The following SDK1 variants were observed in gnomAD, a reference collection of about 807,000 sequenced individuals.
The protein encoded by SDK1 is protein sidekick-1.
A neutral mutation model predicts 245.5 loss-of-function variants in SDK1; 157 were observed. That is an observed-to-expected ratio of 0.64 (90% CI 0.56 to 0.73). The LOEUF is 0.73. SDK1 is among the 30% of genes least tolerant of loss of function. The probability of loss-of-function intolerance (pLI) is 0.00; values close to 1 mark genes in which losing one functional copy is unlikely to be tolerated. For missense variants in SDK1, 3,583 were observed against 3,002.3 expected, an observed-to-expected ratio of 1.19 and a Z score of -4.52; for synonymous variants, 1,647 against 1,278.5, an observed-to-expected ratio of 1.29 and a Z score of -6.15.
At chr7:3,414,336 G>A (rs1779301921) in intron 1 of SDK1, among the ~76,000 whole-genome samples, 1 of 152,124 alleles carries the variant, frequency 6.6e-6, no homozygotes, top group South Asian at 2.1e-4. Context: ...CCACGGAGGA[G>A]GAGAGTGCTG....
intron 16 of SDK1, 98 bp from the exon 17 acceptor site, chr7:4,017,073 A>G: frequency 1.7e-6 from 2 of 1,167,874 alleles, no homozygotes; most frequent in Non-Finnish European, 2.4e-6. Flanking sequence ...TTGATTATTT[A>G]CTTCCATTTC....
chr7:3,882,881 C>T (rs1400425428), intron 5 of SDK1, among the ~76,000 whole-genome samples: 1 of 152,164 alleles, frequency 6.6e-6, no homozygotes, highest in African/African-American at 2.4e-5. Context: ...ACGCAGAAAA[C>T]AATTTAGTCA....
chr7:3,407,060 A>G (rs887525383), intron 1 of SDK1, among the ~76,000 whole-genome samples: 2 of 152,212 alleles, frequency 1.3e-5, no homozygotes, highest in African/African-American at 2.4e-5. Context: ...CCTTTCACCC[A>G]GAATTGCTCT....
chr7:3,996,605 A>G (rs1784713261), intron 14 of SDK1, among the ~76,000 whole-genome samples: 1 of 152,174 alleles, frequency 6.6e-6, no homozygotes, highest in South Asian at 2.1e-4. Context: ...ACTCATTGCT[A>G]CTGTAAATAG....
At chr7:3,930,418 C>G (rs73674349) in intron 5 of SDK1, among the ~76,000 whole-genome samples, 2 of 152,170 alleles carry the variant, frequency 1.3e-5, no homozygotes, top group African/African-American at 4.8e-5. Context: ...CCAGCTGAAT[C>G]ACGTACACAC....
intron 25 of SDK1, among the ~76,000 whole-genome samples, chr7:4,121,094 C>T (rs1226911333): frequency 6.6e-6 from 1 of 151,610 alleles, no homozygotes; most frequent in Non-Finnish European, 1.5e-5. Flanking sequence ...TTTCTTCTGA[C>T]TTTGTTTTTT....
intron 1 of SDK1, among the ~76,000 whole-genome samples, chr7:3,482,021 A>G (rs556511182): frequency 7.0e-6 from 1 of 141,956 alleles, no homozygotes; most frequent in African/African-American, 2.6e-5. Context: ...AATAATCAAA[A>G]CATATAAAAA....
chr7:4,138,312 G>C (rs971178952), intron 28 of SDK1, among the ~76,000 whole-genome samples: 8 of 152,172 alleles, frequency 5.3e-5, no homozygotes, highest in Non-Finnish European at 1.0e-4. Context: ...CTGCCACGCA[G>C]TGCACTATTA....
At chr7:3,864,109 T>C (rs765150137) in intron 5 of SDK1, among the ~76,000 whole-genome samples, 1 of 150,376 alleles carries the variant, frequency 6.6e-6, no homozygotes, top group Admixed American at 6.6e-5. Context: ...TGTTTTTTGT[T>C]TTTGTTTTTG....
chr7:4,034,530 A>C (rs10253213), intron 17 of SDK1, among the ~76,000 whole-genome samples: 39,031 of 152,148 alleles, frequency 0.26, 7,379 homozygotes, highest in African/African-American at 0.54. Flanking sequence ...ATATTTCAAA[A>C]TGAAAATTAT....
intron 5 of SDK1, among the ~76,000 whole-genome samples, chr7:3,844,750 A>C (rs867474119): frequency 6.6e-6 from 1 of 152,170 alleles, no homozygotes; most frequent in South Asian, 2.1e-4. Context: ...TGTTTGCCCA[A>C]GGCCTTGGAG....
chr7:4,034,767 A>C (rs1459399933), intron 17 of SDK1, among the ~76,000 whole-genome samples: 1 of 152,204 alleles, frequency 6.6e-6, no homozygotes, highest in Non-Finnish European at 1.5e-5. Context: ...ACTGGAATCT[A>C]CCAAAATGCC....
At chr7:3,422,044 A>G (rs1397080790) in intron 1 of SDK1, among the ~76,000 whole-genome samples, 1 of 152,178 alleles carries the variant, frequency 6.6e-6, no homozygotes, top group African/African-American at 2.4e-5. Flanking sequence ...TCAAAATAAA[A>G]TAGGAAATTA....
intron 23 of SDK1, among the ~76,000 whole-genome samples, chr7:4,113,085 A>G (rs1474321211): frequency 1.3e-5 from 2 of 152,160 alleles, no homozygotes; most frequent in Non-Finnish European, 2.9e-5. Flanking sequence ...CTAGGATTAC[A>G]GGTGTGAGCC....
intron 1 of SDK1, among the ~76,000 whole-genome samples, chr7:3,539,269 T>G (rs1467935068): frequency 6.6e-6 from 1 of 152,170 alleles, no homozygotes; most frequent in East Asian, 1.9e-4. Flanking sequence ...CTGCTTAGTT[T>G]TTAGCAATTC....
intron 4 of SDK1, among the ~76,000 whole-genome samples, chr7:3,706,625 A>G (rs10243789): frequency 0.088 from 13,435 of 152,114 alleles, 706 homozygotes; most frequent in Middle Eastern, 0.14. Flanking sequence ...GATGGTTGCG[A>G]TCTCCTGACC....
At chr7:3,343,538 CAT>C (rs766619410) in intron 1 of SDK1, among the ~76,000 whole-genome samples, 3 of 151,992 alleles carry the variant, frequency 2.0e-5, no homozygotes, top group African/African-American at 4.8e-5. Flanking sequence ...GAAAGAGTGA[CAT>C]GTGGGATCCT....
At position 3,425,115 on chromosome 7, in the gene SDK1, CTTT is replaced by C. The variant is rs3086058; in HGVS notation, c.298+123245_298+123247del. Among the ~76,000 whole-genome samples, 1,145 of 144,706 alleles carry C rather than the reference CTTT, an allele frequency of 7.9e-3. 15 individuals carry two copies. The highest frequency in any genetic ancestry group is 0.024 in the African/African-American group (931 of 39,298). The allele number at this position is 144,706 out of a possible 152,430, so 94.9% of individuals were successfully genotyped here. Reference sequence around the variant, plus strand: ...AACTTGAGAGTCATACAGTTGCCAGCTTTTTTTTTTTTTTTTAAGTAGTAGACA... The same window carrying C: ...AACTTGAGAGTCATACAGTTGCCAGCTTTTTTTTTTTTTAAGTAGTAGACA... On this transcript the variant is annotated intron_variant, in intron 1 of 44. Coordinates refer to ENST00000404826, the MANE Select transcript of SDK1 (RefSeq NM_152744.4).
chr7:3,485,264 A>G (rs1020076025), intron 1 of SDK1, among the ~76,000 whole-genome samples: 1 of 152,052 alleles, frequency 6.6e-6, no homozygotes, highest in Non-Finnish European at 1.5e-5. Flanking sequence ...GATATTGAGC[A>G]TTTTTTCCCT....
Sources: allele counts gnomAD v4.1 joint callset (sites outside exome capture counted in the v4.1 genomes callset), GRCh38; gene constraint gnomAD v4.1.1; transcripts MANE v1.5; gene names NCBI Gene and HGNC (gene_info 2026-07-23, HGNC 2026-07-21).